Variants in PLA2R1 observed in about 807,000 individuals in gnomAD.
PLA2R1 encodes the protein secretory phospholipase A2 receptor.
In PLA2R1, 158 loss-of-function variants were observed where a neutral mutation model predicts 195.9. The observed-to-expected ratio is 0.81, with a 90% CI of 0.71 to 0.92. The LOEUF (loss-of-function observed/expected upper bound fraction) is 0.92. Ranked by LOEUF, PLA2R1 falls within the 40% of genes least tolerant of loss-of-function variation. The pLI is 0.00. For missense variants in PLA2R1, 1,626 were observed against 1,764.6 expected (o/e 0.92, Z 1.41); for synonymous variants, 586 against 598.2 (o/e 0.98, Z 0.30).
At chr2:159,973,796 C>T (rs1689354063) in intron 17 of PLA2R1, among the ~76,000 whole-genome samples, 1 of 152,120 alleles carries the variant, frequency 6.6e-6, no homozygotes, top group Non-Finnish European at 1.5e-5. Context: ...GATTAGTTAG[C>T]ACCTTACCCA....
intron 1 of PLA2R1, among the ~76,000 whole-genome samples, chr2:160,062,067 G>A (rs1047703981): frequency 4.6e-5 from 7 of 151,830 alleles, no homozygotes; most frequent in Non-Finnish European, 1.0e-4. Context: ...CCCCGCAGGA[G>A]CCAGGAGGGT....
chr2:160,016,796 AT>A (rs1162827306), intron 8 of PLA2R1, 84 bp from the exon 9 acceptor site: 1 of 704,096 alleles, frequency 1.4e-6, no homozygotes, highest in Non-Finnish European at 2.6e-6. Context: ...AAAAAATATG[AT>A]GAATAATGTG....
chr2:160,005,662 T>C lies in PLA2R1; in HGVS notation c.1824A>G (p.Thr608=). The C allele has an allele frequency of 6.2e-7, 1 of 1,613,550 alleles. No homozygotes were observed. Among genetic ancestry groups the C allele is most frequent in the Non-Finnish European group, 8.5e-7 (1 of 1,179,626 alleles). ...GCACACTCTACTCACGCGGCTGGTG[T>C]GTGTTCCAGTGTGTGTACTGCACCG... ...PEPVQYTHWN[T]HQPRYSGGCV... Residue 608 remains threonine, a synonymous_variant, in exon 11 of 30, where the codon ACA becomes ACG. Transcript: ENST00000283243.
intron 10 of PLA2R1, among the ~76,000 whole-genome samples, chr2:160,012,360 T>A (rs1265762311): frequency 6.6e-6 from 1 of 152,068 alleles, no homozygotes; most frequent in African/African-American, 2.4e-5. Context: ...TAATATGAGG[T>A]CACCTTTACT....
At chr2:159,942,266 A>G (rs1309289051) in intron 28 of PLA2R1, 107 bp from the exon 29 acceptor site, 3 of 804,342 alleles carry the variant, frequency 3.7e-6, no homozygotes, top group Non-Finnish European at 6.1e-6. Context: ...CCCTATTTTT[A>G]TAAAAAATGT....
chr2:159,992,247 G>C (rs1182083864), intron 11 of PLA2R1, among the ~76,000 whole-genome samples: 1 of 151,730 alleles, frequency 6.6e-6, no homozygotes, highest in Non-Finnish European at 1.5e-5. Context: ...GTGTTTTTTG[G>C]CTGCATAAAT....
At chr2:160,006,632 CT>C (rs1471502730) in intron 10 of PLA2R1, among the ~76,000 whole-genome samples, 4 of 152,184 alleles carry the variant, frequency 2.6e-5, no homozygotes, top group African/African-American at 9.7e-5. Context: ...AGCATTGAAC[CT>C]TTCAGCTAAG....
intron 1 of PLA2R1, among the ~76,000 whole-genome samples, chr2:160,058,862 T>G (rs1052977838): frequency 1.3e-5 from 2 of 152,130 alleles, no homozygotes; most frequent in Admixed American, 6.5e-5. Flanking sequence ...GGGATGGTTT[T>G]GGGATGACTC....
rs1368929346 is a variant in PLA2R1, at chr2:160,028,305, G to C, written c.1012C>G (p.Pro338Ala). 9.3e-6 allele frequency: 15 copies of C among 1,605,826 alleles called. No homozygotes were observed. The East Asian group carries it at 2.9e-4, about 31-fold the overall frequency. ...CAATCCCGACTCCTCCAGGCACTTG[G>C]CATAAATGAACTAAATGTTCCACAG... ...DHCGTFSSFMPSAWRSRDCES... is the reference protein window; with the variant it reads ...DHCGTFSSFMASAWRSRDCES... The change falls in exon 6 of 30, where the codon CCA (proline) becomes GCA (alanine). Residue 338 changes from proline to alanine, a missense_variant. Physicochemically the swap from Pro to Ala is conservative, Grantham distance 27. Coordinates refer to ENST00000283243, the MANE Select transcript of PLA2R1 (RefSeq NM_007366.5).
In PLA2R1 at chr2:159,979,821, A is replaced by G. The variant is rs1362811794; in HGVS notation, c.2268+9T>C. On this transcript the variant is annotated intron_variant, in intron 14 of 29. Coordinates refer to ENST00000283243, the MANE Select transcript of PLA2R1 (RefSeq NM_007366.5). ...ATCCATCCCTTTTCTCCAGTTTGAA[A>G]AGACTTACAGGAGTTCTATCAGACC... The G allele has an allele frequency of 5.2e-6, 8 of 1,531,172 alleles. No individual in the cohort carries two copies. The highest frequency in any genetic ancestry group is 7.2e-6 in the Non-Finnish European group (8 of 1,107,836). The allele number at this position is 1,531,172 out of a possible 1,614,324, so 94.8% of individuals were successfully genotyped here.
rs1573860357 is a variant in PLA2R1, at chr2:159,999,434, G to A, written c.1834+6218C>T. ...GGCTGGAGTGCAGTGGCGGGATCTC[G>A]GCTCACTGCAAGCTCCGCCTCCCGG... On this transcript the variant is annotated intron_variant, in intron 11 of 29. Transcript: ENST00000283243. 6.1e-4 allele frequency among the ~76,000 whole-genome samples: 2 copies of A among 3,286 alleles called. 1 individual carries two copies. Among genetic ancestry groups the A allele is most frequent in the East Asian group, 0.021 (2 of 94 alleles). 2.2% of individuals were successfully genotyped at this position (3,286 alleles called of 152,430 possible).
intron 18 of PLA2R1, 119 bp downstream of exon 18, chr2:159,970,029 A>C (rs1301324931): frequency 1.6e-6 from 1 of 635,978 alleles, no homozygotes; most frequent in Non-Finnish European, 2.7e-6. Flanking sequence ...AGAGAAGTGA[A>C]AATTTATAAG....
chr2:159,996,208 G>A (rs1283165386), intron 11 of PLA2R1, among the ~76,000 whole-genome samples: 3 of 151,814 alleles, frequency 2.0e-5, no homozygotes, highest in African/African-American at 7.3e-5. Flanking sequence ...TTCGTGCAAG[G>A]TAGGTCTACT....
the PLA2R1 span, among the ~76,000 whole-genome samples, chr2:159,923,970 T>A: frequency 6.6e-6 from 1 of 152,190 alleles, no homozygotes; most frequent in East Asian, 1.9e-4. Flanking sequence ...CTCACAATTC[T>A]GGAGGTCAGA....
downstream of PLA2R1, among the ~76,000 whole-genome samples, chr2:159,927,760 C>G (rs542945135): frequency 6.6e-6 from 1 of 152,186 alleles, no homozygotes; most frequent in African/African-American, 2.4e-5. Flanking sequence ...CCCTGGTCTA[C>G]GATGACCCAC....
intron 11 of PLA2R1, among the ~76,000 whole-genome samples, chr2:159,990,968 G>A (rs1013290225): frequency 2.1e-5 from 3 of 141,294 alleles, no homozygotes; most frequent in African/African-American, 2.7e-5. Context: ...GTGCCTGATT[G>A]TGCAGATGGA....
rs938536876 is a variant in PLA2R1, at chr2:159,987,898, C to T, written c.1835-540G>A. Among the ~76,000 whole-genome samples the T allele has an allele frequency of 1.1e-4, 17 of 152,162 alleles. 1 individual carries two copies. In the South Asian group the frequency reaches 3.3e-3, roughly 30 times the overall value. ...GATCCGGGGGCAGGGACAAGGCAGA[C>T]ATCAGGGAAAAGGAAGACAGAATTA... On this transcript the variant is annotated intron_variant, in intron 11 of 29. Transcript: ENST00000283243.
chr2:159,993,113 TTAATC>T (rs1690946058), intron 11 of PLA2R1, among the ~76,000 whole-genome samples: 1 of 152,266 alleles, frequency 6.6e-6, no homozygotes, highest in East Asian at 1.9e-4. Flanking sequence ...TATTGAATCT[TTAATC>T]TAGGGGTACA....
intron 26 of PLA2R1, 26 bp downstream of exon 26, chr2:159,947,393 A>C (rs928094987): frequency 1.9e-6 from 3 of 1,583,010 alleles, no homozygotes; most frequent in Non-Finnish European, 2.6e-6. Flanking sequence ...ACATGAAAGC[A>C]TTTTTACCAT....
Sources: gnomAD v4.1 joint callset for allele counts (sites outside exome capture counted in the v4.1 genomes callset) on GRCh38, gnomAD v4.1.1 for gene constraint, MANE v1.5 for transcripts, NCBI Gene and HGNC (gene_info 2026-07-23, HGNC 2026-07-21) for gene names.